The following MYO1B variants were observed in gnomAD, a reference collection of about 807,000 sequenced individuals.
MYO1B encodes unconventional myosin-Ib.
MYO1B carries 72 observed loss-of-function variants against 159.7 expected under a neutral mutation model. That is an observed-to-expected ratio of 0.45 (90% confidence interval 0.37 to 0.55). The LOEUF (loss-of-function observed/expected upper bound fraction) is 0.55. MYO1B is among the 20% of genes least tolerant of loss of function. MYO1B has a pLI of 0.00. For missense variants in MYO1B, 1,062 were observed against 1,364.8 expected, an observed-to-expected ratio of 0.78 and a Z score of 3.50; for synonymous variants, 468 against 473.8, an observed-to-expected ratio of 0.99 and a Z score of 0.16.
chr2:191,403,580 T>A (rs1420009888), intron 24 of MYO1B, among the ~76,000 whole-genome samples: 1 of 151,838 alleles, frequency 6.6e-6, no homozygotes, highest in Non-Finnish European at 1.5e-5. Context: ...AATATTTGAA[T>A]TATTATCTGA....
At position 191,304,153 on chromosome 2, in the gene MYO1B, A is replaced by C. The variant is rs192755446; in HGVS notation, c.251+7927A>C. Among the ~76,000 whole-genome samples, 25 of 152,312 alleles carry C rather than the reference A, an allele frequency of 1.6e-4. No homozygotes were observed. In the East Asian group the frequency reaches 3.7e-3, roughly 22 times the overall value. On this transcript the variant is annotated intron_variant, in intron 3 of 30. Transcript: ENST00000392318. ...TGAAGCTTCCTGAGGCTGGGTCTGC[A>C]GTGGGAAACATCTCTGGGCGTCGCA... is the stretch of plus-strand genomic sequence containing the variant.
intron 4 of MYO1B, 128 bp from the exon 5 acceptor site, chr2:191,341,333 A>G: frequency 1.6e-6 from 1 of 635,652 alleles, no homozygotes; most frequent in Non-Finnish European, 2.7e-6. Context: ...CCAAAACATT[A>G]TTTACTCCTC....
At chr2:191,383,498 A>ATATATG (rs1559220163) in intron 15 of MYO1B, among the ~76,000 whole-genome samples, 156 bp downstream of exon 15, 1 of 115,872 alleles carries the variant, frequency 8.6e-6, no homozygotes, top group South Asian at 3.0e-4. Flanking sequence ...ATATGTGTAT[A>ATATATG]TATATATATA....
chr2:191,392,266 A>G, intron 19 of MYO1B, 65 bp downstream of exon 19: 1 of 1,227,784 alleles, frequency 8.1e-7, no homozygotes, highest in Non-Finnish European at 1.2e-6. Context: ...TTCTTAAAAT[A>G]TGTTTAACTT....
At chr2:191,313,359 C>T (rs373571133) in intron 3 of MYO1B, among the ~76,000 whole-genome samples, 31 of 150,854 alleles carry the variant, frequency 2.1e-4, no homozygotes, top group Admixed American at 7.3e-4. Flanking sequence ...TACAGGTGTC[C>T]GCCACCACGC....
intron 3 of MYO1B, among the ~76,000 whole-genome samples, chr2:191,314,871 G>A (rs1171045570): frequency 2.0e-5 from 3 of 152,156 alleles, no homozygotes; most frequent in Non-Finnish European, 4.4e-5. Flanking sequence ...TGCATTAAGA[G>A]TTCCTATTTC....
rs759697412 is a variant in MYO1B, at chr2:191,390,377, G to A, written c.1867G>A (p.Glu623Lys). 1.2e-6 allele frequency: 2 copies of A among 1,614,248 alleles called. No individual in the cohort carries two copies. Among genetic ancestry groups the A allele is most frequent in the Non-Finnish European group, 1.7e-6 (2 of 1,180,030 alleles). ...TCAGATCAGGTACCTGGGGCTTTTG[G>A]AGAACGTCCGAGTGCGGAGGGCAGG... ...CHQIRYLGLLENVRVRRAGYA... is the reference protein window; with the variant it reads ...CHQIRYLGLLKNVRVRRAGYA... Residue 623 changes from glutamate (E) to lysine (K), a missense_variant, in exon 18 of 31, where the codon GAG (glutamate) becomes AAG (lysine). Physicochemically the swap from Glu to Lys is moderately conservative, Grantham distance 56 (BLOSUM62 1). Transcript: ENST00000392318.
intron 30 of MYO1B, among the ~76,000 whole-genome samples, chr2:191,421,459 TA>T (rs1431627921): frequency 1.3e-5 from 2 of 152,172 alleles, no homozygotes; most frequent in Non-Finnish European, 2.9e-5. Flanking sequence ...ATACATTTAT[TA>T]CACTTACAAG....
At chr2:191,382,337 A>G (rs1335891258) in intron 14 of MYO1B, among the ~76,000 whole-genome samples, 1 of 152,146 alleles carries the variant, frequency 6.6e-6, no homozygotes, top group African/African-American at 2.4e-5. Flanking sequence ...AGATTTTTCT[A>G]ATGTGATTGT....
At chr2:191,313,192 C>CTTTTTTTTTTTTTTTTTTTTTTTT (rs762175060) in intron 3 of MYO1B, among the ~76,000 whole-genome samples, 1 of 42,992 alleles carries the variant, frequency 2.3e-5, no homozygotes, top group African/African-American at 1.1e-4. Context: ...GCACACATGG[C>CTTTTTTTTTTTTTTTTTTTTTTTT]TTTTTTTTTT....
chr2:191,287,394 G>A (rs1193728017), intron 2 of MYO1B, among the ~76,000 whole-genome samples: 1 of 152,108 alleles, frequency 6.6e-6, no homozygotes, highest in Admixed American at 6.6e-5. Context: ...GCTTGGCGTG[G>A]TGGCGGGCAC....
In MYO1B at chr2:191,416,166, A is replaced by G; in HGVS notation, c.3211A>G (p.Ile1071Val). 6.2e-7 allele frequency: 1 copy of G among 1,614,190 alleles called. No homozygotes were observed. The highest frequency in any genetic ancestry group is 8.5e-7 in the Non-Finnish European group (1 of 1,180,024). Reference sequence around the variant, plus strand: ...CTTTCTCTTCAGCAGTGATCACCTGATTGAAATGGCCACCAAGCTCTATCG... The same window carrying G: ...CTTTCTCTTCAGCAGTGATCACCTGGTTGAAATGGCCACCAAGCTCTATCG... ...GDFLFSSDHL[I>V]EMATKLYRTT... The change falls in exon 30 of 31, where the codon ATT (isoleucine) becomes GTT (valine). Residue 1071 changes from isoleucine to valine, a missense_variant. Around this residue, in one of 5 missense-constraint regions of MYO1B, gnomAD observed 609 missense variants for 744.4 expected, o/e 0.82. Transcript: ENST00000392318.
intron 2 of MYO1B, among the ~76,000 whole-genome samples, chr2:191,288,300 T>C (rs1221445295): frequency 6.6e-6 from 1 of 151,686 alleles, no homozygotes; most frequent in Non-Finnish European, 1.5e-5. Flanking sequence ...AGCTATCACC[T>C]GAAACCTAAC....
At chr2:191,412,892 G>T (rs1455823933) in intron 27 of MYO1B, among the ~76,000 whole-genome samples, 1 of 152,118 alleles carries the variant, frequency 6.6e-6, no homozygotes, top group Non-Finnish European at 1.5e-5. Flanking sequence ...GGTTACTTCT[G>T]TCCATTTAGA....
intron 1 of MYO1B, among the ~76,000 whole-genome samples, chr2:191,267,324 A>G (rs111820838): frequency 1.3e-5 from 2 of 152,350 alleles, no homozygotes; most frequent in African/African-American, 4.8e-5. Flanking sequence ...ACACAAGTCA[A>G]CAACATACTA....
At chr2:191,329,550 C>T (rs1000453706) in intron 3 of MYO1B, among the ~76,000 whole-genome samples, 7 of 149,834 alleles carry the variant, frequency 4.7e-5, no homozygotes, top group Non-Finnish European at 1.0e-4. Flanking sequence ...TTTAACAACC[C>T]ATAAATGTAG....
chr2:191,407,949 G>T, intron 24 of MYO1B, 166 bp from the exon 25 acceptor site: 1 of 435,860 alleles, frequency 2.3e-6, no homozygotes. Context: ...CTTTCTCTCT[G>T]ACTTAAGATC....
At chr2:191,391,598 G>A (rs79820330) in intron 18 of MYO1B, among the ~76,000 whole-genome samples, 6 of 152,268 alleles carry the variant, frequency 3.9e-5, no homozygotes, top group East Asian at 1.9e-4. Context: ...TGTTGAAACC[G>A]GGGTCCAGGA....
intron 7 of MYO1B, 58 bp from the exon 8 acceptor site, chr2:191,360,573 G>A: frequency 9.5e-7 from 1 of 1,058,118 alleles, no homozygotes; most frequent in South Asian, 1.5e-5. Flanking sequence ...AGGAAAAAAA[G>A]CATGGTGGAT....
Sources: allele counts gnomAD v4.1 joint callset (sites outside exome capture counted in the v4.1 genomes callset), GRCh38; gene constraint gnomAD v4.1.1; regional missense constraint gnomAD v4.1.1; transcripts MANE v1.5; gene names NCBI Gene and HGNC (gene_info 2026-07-23, HGNC 2026-07-21).